Variants in TBC1D5 observed in about 807,000 individuals in gnomAD.
TBC1D5 encodes the protein TBC1 domain family, member 5.
A neutral mutation model predicts 100.3 loss-of-function variants in TBC1D5; 75 were observed. The ratio of observed to expected loss-of-function variants is 0.75; its 90% CI spans 0.62 to 0.91. The LOEUF (loss-of-function observed/expected upper bound fraction) is 0.91. TBC1D5 is among the 40% of genes least tolerant of loss of function. TBC1D5 has a pLI of 0.00. For missense variants in TBC1D5, 910 were observed against 942.4 expected, an observed-to-expected ratio of 0.97 and a Z score of 0.45; for synonymous variants, 323 against 325.6, an observed-to-expected ratio of 0.99 and a Z score of 0.09.
rs537522318 is a variant in TBC1D5 at position 17,564,072 on chromosome 3, G to A, written c.-35-55467C>T. 8.6e-3 allele frequency among the ~76,000 whole-genome samples: 1,308 copies of A among 152,258 alleles called. 9 individuals carry two copies. Among genetic ancestry groups the A allele is most frequent in the Non-Finnish European group, 0.015 (1,015 of 68,030 alleles). On this transcript the variant is annotated intron_variant, in intron 2 of 21. Coordinates refer to ENST00000253692, the Ensembl canonical transcript of TBC1D5. ...GCTGGGATTACAGGCATGAGCCACC[G>A]TGCCCGGCCTTACAGGTGATTTTTA...
chr3:17,308,376 C>G (rs921728790), intron 13 of TBC1D5, among the ~76,000 whole-genome samples: 1 of 151,882 alleles, frequency 6.6e-6, no homozygotes, highest in African/African-American at 2.4e-5. Context: ...TGAAAAAAGT[C>G]AAAATCTTTC....
rs1035572747 is a variant in TBC1D5 at position 17,670,315 on chromosome 3, A to G, written c.-100-46402T>C. On this transcript the variant is annotated intron_variant, in intron 1 of 21. Transcript: ENST00000253692. Reference sequence around the variant, plus strand: ...TATTATTAAACTCTTGACAGAAACCAAAGAGCTGATTCCAAACATAAAGCA... The same window carrying G: ...TATTATTAAACTCTTGACAGAAACCGAAGAGCTGATTCCAAACATAAAGCA... 2.6e-5 allele frequency among the ~76,000 whole-genome samples: 4 copies of G among 152,362 alleles called. No individual in the cohort carries two copies. In the East Asian group the frequency reaches 7.7e-4, roughly 29 times the overall value.
At chr3:17,697,674 T>C (rs928032169) in intron 1 of TBC1D5, among the ~76,000 whole-genome samples, 2 of 152,206 alleles carry the variant, frequency 1.3e-5, no homozygotes, top group African/African-American at 4.8e-5. Flanking sequence ...AAAATGGCCA[T>C]ACTGCCCAAG....
At chr3:17,410,612 T>G (rs1046037746) in intron 4 of TBC1D5, among the ~76,000 whole-genome samples, 2 of 152,078 alleles carry the variant, frequency 1.3e-5, no homozygotes, top group Non-Finnish European at 1.5e-5. Flanking sequence ...AAAGTCAGAA[T>G]AGCAACATGA....
At chr3:17,394,525 A>G (rs1292763600) in intron 8 of TBC1D5, among the ~76,000 whole-genome samples, 1 of 152,166 alleles carries the variant, frequency 6.6e-6, no homozygotes, top group Non-Finnish European at 1.5e-5. Context: ...ATGGGTGCCA[A>G]GTACTGGGAA....
At chr3:17,239,570 T>C (rs2149062533) in intron 16 of TBC1D5, among the ~76,000 whole-genome samples, 1 of 152,322 alleles carries the variant, frequency 6.6e-6, no homozygotes, top group Middle Eastern at 3.4e-3. Context: ...CTATTTGCCA[T>C]TGCCCTAAAG....
chr3:17,462,114 A>C (rs1158662799), intron 3 of TBC1D5, among the ~76,000 whole-genome samples: 1 of 152,068 alleles, frequency 6.6e-6, no homozygotes, highest in East Asian at 1.9e-4. Context: ...AAATCTTTTC[A>C]AAAAATATGT....
chr3:17,376,051 A>G (rs992789444), intron 10 of TBC1D5, among the ~76,000 whole-genome samples: 2 of 152,210 alleles, frequency 1.3e-5, no homozygotes, highest in African/African-American at 4.8e-5. Flanking sequence ...AAATGAATAT[A>G]TCTAAAAAAT....
At chr3:17,728,036 T>C (rs2076261628) in intron 1 of TBC1D5, among the ~76,000 whole-genome samples, 1 of 152,018 alleles carries the variant, frequency 6.6e-6, no homozygotes, top group South Asian at 2.1e-4. Flanking sequence ...GGGTGGAAAA[T>C]ATAACTATGT....
intron 12 of TBC1D5, 61 bp from the exon 13 acceptor site, chr3:17,372,308 T>C (rs2092506642): frequency 7.1e-7 from 1 of 1,401,258 alleles, no homozygotes; most frequent in Non-Finnish European, 9.5e-7. Context: ...TATATGGATG[T>C]CATTCTTTAT....
At chr3:17,163,967 G>C (rs192219427) in intron 21 of TBC1D5, among the ~76,000 whole-genome samples, 1 of 152,212 alleles carries the variant, frequency 6.6e-6, no homozygotes, top group Admixed American at 6.5e-5. Context: ...ATGGATCCAG[G>C]GTCCCACAAA....
chr3:17,237,140 G>A (rs950282538), intron 17 of TBC1D5, among the ~76,000 whole-genome samples: 17 of 152,116 alleles, frequency 1.1e-4, no homozygotes, highest in Non-Finnish European at 2.5e-4. Context: ...ACTAATTATT[G>A]AAAACTGATA....
chr3:17,233,581 G>C (rs1576165591), intron 17 of TBC1D5, 104 bp downstream of exon 18: 2 of 654,026 alleles, frequency 3.1e-6, no homozygotes, highest in Non-Finnish European at 5.2e-6. Flanking sequence ...ATTGAAAACA[G>C]TATGAATGGA....
intron 3 of TBC1D5, among the ~76,000 whole-genome samples, chr3:17,471,149 A>C (rs1349888913): frequency 3.3e-5 from 5 of 152,232 alleles, no homozygotes; most frequent in Non-Finnish European, 7.3e-5. Flanking sequence ...CCTAAGTGAT[A>C]GCTAGATGGA....
intron 2 of TBC1D5, among the ~76,000 whole-genome samples, chr3:17,603,662 A>C (rs1385427390): frequency 6.6e-6 from 1 of 151,958 alleles, no homozygotes; most frequent in African/African-American, 2.4e-5. Context: ...TCTGGCTTTT[A>C]TTCTGCCGGC....
intron 2 of TBC1D5, among the ~76,000 whole-genome samples, chr3:17,579,800 G>T (rs1303764043): frequency 1.3e-5 from 2 of 152,126 alleles, no homozygotes; most frequent in African/African-American, 4.8e-5. Flanking sequence ...CCACAGATAA[G>T]AGGGAACTAC....
intron 9 of TBC1D5, 90 bp downstream of exon 9, chr3:17,383,823 C>A (rs1237062067): frequency 3.8e-5 from 37 of 986,604 alleles, no homozygotes; most frequent in Non-Finnish European, 5.3e-5. Flanking sequence ...ACTTTGGATA[C>A]AATAAAGGCT....
intron 17 of TBC1D5, among the ~76,000 whole-genome samples, chr3:17,229,200 G>C (rs2075192448): frequency 1.3e-5 from 2 of 152,042 alleles, no homozygotes; most frequent in Non-Finnish European, 2.9e-5. Flanking sequence ...CTGTTCTGTG[G>C]CCACAGAAAG....
chr3:17,167,015 G>A (rs574878455), intron 20 of TBC1D5, 87 bp from the exon 22 acceptor site: 3 of 1,216,812 alleles, frequency 2.5e-6, no homozygotes, highest in African/African-American at 1.5e-5. Context: ...ATTTGAACTA[G>A]CCTTGTCATC....
Sources: gnomAD v4.1 joint callset for allele counts (sites outside exome capture counted in the v4.1 genomes callset) on GRCh38, gnomAD v4.1.1 for gene constraint, MANE v1.5 for transcripts, NCBI Gene and HGNC (gene_info 2026-07-23, HGNC 2026-07-21) for gene names.